Variants in BRSK2 observed in about 807,000 individuals in gnomAD.
BRSK2 encodes serine/threonine-protein kinase BRSK2.
BRSK2 carries 19 observed loss-of-function variants against 83.3 expected under a neutral mutation model. The observed-to-expected ratio is 0.23, with a 90% CI of 0.16 to 0.33. BRSK2 has a LOEUF of 0.33. Ranked by LOEUF, BRSK2 falls within the 10% of genes least tolerant of loss-of-function variation. The probability of loss-of-function intolerance (pLI) is 1.00; values close to 1 mark genes in which losing one functional copy is unlikely to be tolerated. For missense variants in BRSK2, 798 were observed against 1,042.3 expected, an observed-to-expected ratio of 0.77 and a Z score of 3.23; for synonymous variants, 519 against 435.4, an observed-to-expected ratio of 1.19 and a Z score of -2.39.
chr11:1,397,382 T>C (rs1846196290), intron 1 of BRSK2, among the ~76,000 whole-genome samples: 1 of 152,142 alleles, frequency 6.6e-6, no homozygotes, highest in Non-Finnish European at 1.5e-5. Context: ...TTCTACCGCC[T>C]CTGAGGGGCC....
At chr11:1,404,433 G>C (rs544536366) in intron 1 of BRSK2, among the ~76,000 whole-genome samples, 1 of 152,158 alleles carries the variant, frequency 6.6e-6, no homozygotes, top group African/African-American at 2.4e-5. Flanking sequence ...CCCTTTGGCC[G>C]AGAGTTGCAC....
At chr11:1,453,553 G>A (rs1348551250) in intron 15 of BRSK2, among the ~76,000 whole-genome samples, 1 of 152,216 alleles carries the variant, frequency 6.6e-6, no homozygotes, top group Admixed American at 6.5e-5. Context: ...AGACCGGCAG[G>A]ACACTGAGGA....
rs1845692560 is a variant in BRSK2, at chr11:1,390,995, G to C, written c.91+620G>C. ...CACGGGGCAGGGAGAGGCCATTGGTGCTGGGACCAGAAGTGCGTGGGACCT... is the reference window on the plus strand; with the variant it reads ...CACGGGGCAGGGAGAGGCCATTGGTCCTGGGACCAGAAGTGCGTGGGACCT... On this transcript the variant is annotated intron_variant, in intron 1 of 19. Coordinates refer to ENST00000528841, the MANE Select transcript of BRSK2 (RefSeq NM_001256627.2). The surrounding 1 kb of genome is among the most constrained non-coding windows in gnomAD (Gnocchi z 6.8). Among the ~76,000 whole-genome samples the C allele has an allele frequency of 6.6e-6, 1 of 152,194 alleles. No homozygotes were observed. The highest frequency in any genetic ancestry group is 2.4e-5 in the African/African-American group (1 of 41,460).
In BRSK2 at chr11:1,424,068, G is replaced by A. The variant is rs569101484; in HGVS notation, c.92-11972G>A. Among the ~76,000 whole-genome samples, 186 of 152,158 alleles carry A rather than the reference G, an allele frequency of 1.2e-3. 1 individual carries two copies. The highest frequency in any genetic ancestry group is 4.8e-3 in the Admixed American group (73 of 15,288). ...TCTGCAGAGGCTGTTTTTCCAAGTCGGGTCACATTCATGCGCCCCAGGCAC... is the reference window on the plus strand; with the variant it reads ...TCTGCAGAGGCTGTTTTTCCAAGTCAGGTCACATTCATGCGCCCCAGGCAC... On this transcript the variant is annotated intron_variant, in intron 1 of 19. Transcript: ENST00000528841.
chr11:1,460,422 C>G, intron 19 of BRSK2, 78 bp from the exon 20 acceptor site: 29 of 910,862 alleles, frequency 3.2e-5, no homozygotes, highest in Non-Finnish European at 3.8e-5. Flanking sequence ...CTCTCCTTCC[C>G]TCCCCTCCTC....
Position 1,460,980 on chromosome 11 carries a change from GA to G in BRSK2, c.*261del, listed in dbSNP as rs1222683428. On this transcript the variant is annotated 3_prime_UTR_variant, in exon 20 of 20. Transcript: ENST00000528841. Reference sequence around the variant, plus strand: ...CCACTCTGATACCAGGAATTATCCCGAAAAGTTAACATGTCACCTCCACGAG... The same window carrying G: ...CCACTCTGATACCAGGAATTATCCCGAAAGTTAACATGTCACCTCCACGAG... 1.9e-6 allele frequency: 3 copies of G among 1,612,262 alleles called. No individual in the cohort carries two copies. The African/African-American group carries it at 4.0e-5, about 22-fold the overall frequency.
intron 19 of BRSK2, 90 bp from the exon 20 acceptor site, chr11:1,460,410 C>A: frequency 2.3e-6 from 2 of 872,022 alleles, no homozygotes; most frequent in Non-Finnish European, 3.1e-6. Context: ...TGTTCTCTTT[C>A]TCTCTCCTTC....
chr11:1,406,843 CACGCATGTGT>C (rs1444821643), intron 1 of BRSK2, among the ~76,000 whole-genome samples: 1 of 152,216 alleles, frequency 6.6e-6, no homozygotes, highest in Non-Finnish European at 1.5e-5. Flanking sequence ...CCACGAGGTA[CACGCATGTGT>C]GTGCATGTCC....
At chr11:1,411,010 G>A in intron 1 of BRSK2, 2 of 1,000,766 alleles carry the variant, frequency 2.0e-6, no homozygotes, top group Non-Finnish European at 2.4e-6. Context: ...GGAGAGAACA[G>A]CCGTGCGTCT....
chr11:1,398,293 A>G (rs1336290432), intron 1 of BRSK2, among the ~76,000 whole-genome samples: 1 of 152,136 alleles, frequency 6.6e-6, no homozygotes, highest in Non-Finnish European at 1.5e-5. Context: ...CTGCAGGGCT[A>G]GCTGCTGCCT....
At chr11:1,412,451 C>CGCT (rs1847620005) in intron 1 of BRSK2, among the ~76,000 whole-genome samples, 1 of 96,362 alleles carries the variant, frequency 1.0e-5, no homozygotes. Context: ...GTCTCAGCTG[C>CGCT]GCCGCCCCGT....
chr11:1,412,495 C>T (rs183105205), intron 1 of BRSK2, among the ~76,000 whole-genome samples: 50 of 128,084 alleles, frequency 3.9e-4, no homozygotes, highest in Middle Eastern at 4.0e-3. Context: ...TGTGCTGCCC[C>T]GTCCTGTGAT....
intron 1 of BRSK2, among the ~76,000 whole-genome samples, chr11:1,405,411 G>A (rs2134074658): frequency 6.6e-6 from 1 of 152,128 alleles, no homozygotes; most frequent in Admixed American, 6.5e-5. Context: ...CCTTCCCCCT[G>A]TGGCTCGTGA....
intron 1 of BRSK2, among the ~76,000 whole-genome samples, chr11:1,416,700 GC>G (rs1373247855): frequency 2.0e-5 from 3 of 152,192 alleles, no homozygotes; most frequent in Non-Finnish European, 1.5e-5. Context: ...GTCTCTGGCT[GC>G]TTTTGAGGTT....
rs900343017 is a variant in BRSK2 at position 1,454,965 on chromosome 11, G to A, written c.1668+357G>A. 2.6e-5 allele frequency among the ~76,000 whole-genome samples: 4 copies of A among 152,216 alleles called. No homozygotes were observed. Among genetic ancestry groups the A allele is most frequent in the African/African-American group, 4.8e-5 (2 of 41,538 alleles). ...AGAGGGGGACATTTCCATCAGACTCGGGGAGAAGCCCTTGTGAGGCCATGG... is the reference window on the plus strand; with the variant it reads ...AGAGGGGGACATTTCCATCAGACTCAGGGAGAAGCCCTTGTGAGGCCATGG... On this transcript the variant is annotated intron_variant, in intron 16 of 19. Coordinates refer to ENST00000528841, the MANE Select transcript of BRSK2 (RefSeq NM_001256627.2). The surrounding 1 kb of genome is among the most constrained non-coding windows in gnomAD (Gnocchi z 5.2).
chr11:1,440,438 A>G (rs968476297), intron 3 of BRSK2, among the ~76,000 whole-genome samples: 1 of 151,594 alleles, frequency 6.6e-6, no homozygotes. Context: ...TCCCGAGGCT[A>G]CCCCATGCAC....
chr11:1,447,989 C>T, intron 12 of BRSK2: 2 of 985,766 alleles, frequency 2.0e-6, no homozygotes, highest in Non-Finnish European at 3.0e-6. Context: ...TGCGGTGAAG[C>T]CAGCCAGCAA....
rs1433205400 is a variant in BRSK2 at position 1,423,752 on chromosome 11, C to T, written c.92-12288C>T. On this transcript the variant is annotated intron_variant, in intron 1 of 19. Coordinates refer to ENST00000528841, the MANE Select transcript of BRSK2 (RefSeq NM_001256627.2). The surrounding 1 kb of genome is among the most constrained non-coding windows in gnomAD (Gnocchi z 6.5). ...CCCAGGCCTCCCCCGCTGGGCGTTCCGGGTGCCCCAGGCCTCCCCCGCTGG... is the reference window on the plus strand; with the variant it reads ...CCCAGGCCTCCCCCGCTGGGCGTTCTGGGTGCCCCAGGCCTCCCCCGCTGG... 1.4e-5 allele frequency among the ~76,000 whole-genome samples: 2 copies of T among 144,884 alleles called. No homozygotes were observed. Among genetic ancestry groups the T allele is most frequent in the Non-Finnish European group, 3.1e-5 (2 of 65,166 alleles).
chr11:1,447,884 T>TC, intron 12 of BRSK2: 2 of 1,580,822 alleles, frequency 1.3e-6, no homozygotes, highest in Non-Finnish European at 1.7e-6. Context: ...CGACCACCCG[T>TC]CCCCGCACCT....
Sources: gnomAD v4.1 joint callset for allele counts (sites outside exome capture counted in the v4.1 genomes callset) on GRCh38, gnomAD v4.1.1 for gene constraint, Gnocchi (gnomAD v3.1) non-coding constraint, MANE v1.5 for transcripts, NCBI Gene and HGNC (gene_info 2026-07-23, HGNC 2026-07-21) for gene names.